Variants in ARAP2 observed in about 807,000 individuals in gnomAD.
ARAP2 encodes ArfGAP with RhoGAP domain, ankyrin repeat and PH domain 2.
A neutral mutation model predicts 194.5 loss-of-function variants in ARAP2; 148 were observed. The observed-to-expected ratio is 0.76, with a 90% CI of 0.67 to 0.87. The LOEUF (loss-of-function observed/expected upper bound fraction) is 0.87. Ranked by LOEUF, ARAP2 falls within the 40% of genes least tolerant of loss-of-function variation. ARAP2 has a pLI of 0.00. For synonymous variants in ARAP2, 695 were observed against 683.5 expected (o/e 1.02, Z -0.26); for missense variants, 2,128 against 1,989.7 (o/e 1.07, Z -1.32).
At position 36,114,251 on chromosome 4, in the gene ARAP2, C is replaced by G; in HGVS notation, c.4075G>C (p.Asp1359His). Residue 1359 changes from aspartate to histidine, a missense_variant, in exon 26 of 33, where the codon GAT becomes CAT. Transcript: ENST00000303965. Reference protein sequence around the residue: ...PVMEAEELTNDILAIKNIIPT... With the variant: ...PVMEAEELTNHILAIKNIIPT... ...ATAATATTTTTTATCGCTAATATAT[C>G]ATTAGTTAATTCTTCTGCTTCCATC... The G allele has an allele frequency of 6.3e-7, 1 of 1,597,252 alleles. No individual in the cohort carries two copies. The highest frequency in any genetic ancestry group is 8.6e-7 in the Non-Finnish European group (1 of 1,167,268).
chr4:36,145,181 C>T (rs1199040391), intron 19 of ARAP2, among the ~76,000 whole-genome samples: 1 of 151,728 alleles, frequency 6.6e-6, no homozygotes, highest in Non-Finnish European at 1.5e-5. Context: ...TACTAGGTAT[C>T]TATCCAAAGG....
In ARAP2 at chr4:36,127,706, G is replaced by A. The variant is rs57894932; in HGVS notation, c.3640+827C>T. Reference sequence around the variant, plus strand: ...AAGTAAGTTTTAAAACCTAGAACAAGAGAGAAATAAAAATTATCATTTGGA... The same window carrying A: ...AAGTAAGTTTTAAAACCTAGAACAAAAGAGAAATAAAAATTATCATTTGGA... On this transcript the variant is annotated intron_variant, in intron 21 of 32. Transcript: ENST00000303965. 5.4e-3 allele frequency among the ~76,000 whole-genome samples: 819 copies of A among 151,808 alleles called. 11 individuals are homozygous for A. Among genetic ancestry groups the A allele is most frequent in the African/African-American group, 0.018 (764 of 41,464 alleles).
intron 2 of ARAP2, among the ~76,000 whole-genome samples, chr4:36,217,011 TTCTA>T (rs1748072920): frequency 6.6e-6 from 1 of 152,208 alleles, no homozygotes; most frequent in Non-Finnish European, 1.5e-5. Context: ...GGACTGCATA[TTCTA>T]TCTTATTCTA....
intron 11 of ARAP2, among the ~76,000 whole-genome samples, chr4:36,163,894 A>G (rs187464044): frequency 6.6e-6 from 1 of 152,304 alleles, no homozygotes; most frequent in African/African-American, 2.4e-5. Flanking sequence ...TGTGATTGAT[A>G]TTATTAATTA....
intron 9 of ARAP2, among the ~76,000 whole-genome samples, chr4:36,169,276 G>A (rs945594754): frequency 3.3e-5 from 5 of 152,146 alleles, no homozygotes; most frequent in African/African-American, 1.2e-4. Flanking sequence ...TATATTCTCT[G>A]ACGGGGGCCT....
intron 32 of ARAP2, among the ~76,000 whole-genome samples, chr4:36,072,021 T>C (rs979325835): frequency 1.3e-5 from 2 of 152,238 alleles, no homozygotes; most frequent in Non-Finnish European, 2.9e-5. Context: ...GGGTCAAAAA[T>C]GGTTAGTTAT....
upstream of ARAP2, chr4:36,244,581 C>T (rs1754311484): frequency 6.6e-6 from 1 of 150,622 alleles, no homozygotes; most frequent in Non-Finnish European, 1.5e-5. Flanking sequence ...GCGGGGGCGG[C>T]CCAGCCGGCC....
intron 5 of ARAP2, among the ~76,000 whole-genome samples, chr4:36,043,403 T>G (rs1721203159): frequency 6.6e-6 from 1 of 152,192 alleles, no homozygotes; most frequent in Non-Finnish European, 1.5e-5. Flanking sequence ...TTGCCCTGTC[T>G]ATGTCTCAAC....
intron 5 of ARAP2, among the ~76,000 whole-genome samples, chr4:36,039,003 TA>T (rs1367498664): frequency 6.6e-6 from 1 of 152,168 alleles, no homozygotes; most frequent in Non-Finnish European, 1.5e-5. Context: ...CTTTGACAAA[TA>T]GTCATATTAT....
At chr4:36,143,369 T>G (rs545781385) in intron 19 of ARAP2, among the ~76,000 whole-genome samples, 1 of 151,774 alleles carries the variant, frequency 6.6e-6, no homozygotes, top group Non-Finnish European at 1.5e-5. Context: ...TAGTAACTTA[T>G]AGTGTCTATC....
chr4:36,133,160 A>AAGT (rs1725827312), intron 20 of ARAP2, 66 bp downstream of exon 20: 1 of 1,527,182 alleles, frequency 6.5e-7, no homozygotes, highest in Non-Finnish European at 9.0e-7. Flanking sequence ...TAGAGGTACC[A>AAGT]CTTAAAAACC....
Position 36,228,785 on chromosome 4 carries a change from A to G in ARAP2, c.702T>C (p.Asn234=), listed in dbSNP as rs1462013683. The G allele has an allele frequency of 1.2e-6, 2 of 1,613,964 alleles. No individual in the cohort carries two copies. The highest frequency in any genetic ancestry group is 1.7e-6 in the Non-Finnish European group (2 of 1,180,004). ...TSGTNSGNGT[N]GLLEGSPPSP... is the part of the protein sequence containing the mutation. ...ATGGTGGTGATCCTTCTAATAAACCATTTGTTCCATTTCCAGAATTTGTTC... is the reference window on the plus strand; with the variant it reads ...ATGGTGGTGATCCTTCTAATAAACCGTTTGTTCCATTTCCAGAATTTGTTC... Residue 234 remains asparagine, a synonymous_variant, in exon 2 of 33, where the codon AAT becomes AAC. Transcript: ENST00000303965.
chr4:36,043,628 G>T (rs896323305), intron 5 of ARAP2, among the ~76,000 whole-genome samples: 3 of 151,744 alleles, frequency 2.0e-5, no homozygotes, highest in African/African-American at 7.3e-5. Context: ...TGTTGCCTCC[G>T]CTATATAATT....
chr4:36,059,945 G>A (rs1241500861), intron 1 of ARAP2, among the ~76,000 whole-genome samples: 1 of 152,084 alleles, frequency 6.6e-6, no homozygotes, highest in Non-Finnish European at 1.5e-5. Flanking sequence ...AGAATGAGAG[G>A]TTAAAAAGAG....
chr4:36,185,620 C>A (rs1171174650), intron 8 of ARAP2, among the ~76,000 whole-genome samples: 1 of 151,952 alleles, frequency 6.6e-6, no homozygotes, highest in Non-Finnish European at 1.5e-5. Flanking sequence ...GAAAATGTTA[C>A]CCCATAACAG....
At chr4:36,109,052 G>T (rs1369903719) in intron 26 of ARAP2, among the ~76,000 whole-genome samples, 1 of 151,904 alleles carries the variant, frequency 6.6e-6, no homozygotes, top group Non-Finnish European at 1.5e-5. Flanking sequence ...TAATGTAACT[G>T]ATAATAAAAT....
intron 11 of ARAP2, among the ~76,000 whole-genome samples, 186 bp from the exon 12 acceptor site, chr4:36,161,736 C>T (rs963683219): frequency 3.0e-5 from 4 of 133,798 alleles, no homozygotes; most frequent in Non-Finnish European, 6.1e-5. Context: ...GAGAATTAGA[C>T]AAATCGCAGC....
Position 36,080,276 on chromosome 4 carries a change from G to A in ARAP2, c.4548C>T (p.His1516=), listed in dbSNP as rs565825987. 9 of 1,612,328 alleles carry A rather than the reference G, an allele frequency of 5.6e-6. No individual in the cohort carries two copies. In the Admixed American group the frequency reaches 1.3e-4, roughly 24 times the overall value. The part of the protein sequence containing the change: ...LTAYSEKHHW[H]LCCDSSRTQT... ...GAGTTCGTGAACTATCACAACACAG[G>A]TGCCTGCAAAACGAGGTTTATAAAC... The change falls in exon 31 of 33, where the codon CAC becomes CAT. Residue 1516 remains histidine, a synonymous_variant. Transcript: ENST00000303965.
At chr4:36,017,940 C>A (rs996868454) in intron 6 of ARAP2, among the ~76,000 whole-genome samples, 1 of 152,020 alleles carries the variant, frequency 6.6e-6, no homozygotes, top group East Asian at 1.9e-4. Context: ...TAACAAAAAT[C>A]ATGTATGATT....
Sources: gnomAD v4.1 joint callset for allele counts (sites outside exome capture counted in the v4.1 genomes callset) on GRCh38, gnomAD v4.1.1 for gene constraint, MANE v1.5 for transcripts, NCBI Gene and HGNC (gene_info 2026-07-23, HGNC 2026-07-21) for gene names.